Variants in KCTD8 observed in about 807,000 individuals in gnomAD.
The protein encoded by KCTD8 is BTB/POZ domain-containing protein KCTD8.
KCTD8 carries 27 observed loss-of-function variants against 31.5 expected under a neutral mutation model. The ratio of observed to expected loss-of-function variants is 0.86; its 90% CI spans 0.63 to 1.18. KCTD8 has a LOEUF of 1.18. Among genes scored for constraint, KCTD8 ranks in the 50% most tolerant of loss-of-function variants. The pLI is 0.00. For missense variants in KCTD8, 658 were observed against 647.7 expected (o/e 1.02, Z -0.17); for synonymous variants, 290 against 280.0 (o/e 1.04, Z -0.36).
chr4:44,266,479 C>T (rs1185182458), intron 1 of KCTD8, among the ~76,000 whole-genome samples: 2 of 152,206 alleles, frequency 1.3e-5, no homozygotes, highest in Admixed American at 6.5e-5. Flanking sequence ...GAAGAAACTG[C>T]ATCAACTAAC....
At chr4:44,248,913 T>C (rs2109360482) in intron 1 of KCTD8, among the ~76,000 whole-genome samples, 1 of 151,930 alleles carries the variant, frequency 6.6e-6, no homozygotes, top group East Asian at 1.9e-4. Context: ...ACAAAAACTC[T>C]CTTGTGCCGG....
At chr4:44,343,837 T>G (rs923636690) in intron 1 of KCTD8, among the ~76,000 whole-genome samples, 1 of 151,402 alleles carries the variant, frequency 6.6e-6, no homozygotes, top group Non-Finnish European at 1.5e-5. Context: ...CATTACAGGG[T>G]TTTTTTTGTT....
At position 44,289,552 on chromosome 4, in the gene KCTD8, G is replaced by A. The variant is rs111786416; in HGVS notation, c.962-114302C>T. ...CTGTACAGGGTTGTCAAATGCCAGT[G>A]CTAGTTCCATCCTAGAACGGCTCCT... On this transcript the variant is annotated intron_variant, in intron 1 of 1. Transcript: ENST00000360029. 7.8e-3 allele frequency among the ~76,000 whole-genome samples: 1,192 copies of A among 152,228 alleles called. 15 individuals carry two copies. The highest frequency in any genetic ancestry group is 0.027 in the African/African-American group (1,111 of 41,552).
intron 1 of KCTD8, among the ~76,000 whole-genome samples, chr4:44,309,960 A>G (rs956962523): frequency 1.3e-5 from 2 of 152,134 alleles, no homozygotes; most frequent in African/African-American, 2.4e-5. Context: ...TAATGTCGTC[A>G]TAGGATCTAT....
At chr4:44,187,765 G>C (rs1016728666) in intron 1 of KCTD8, among the ~76,000 whole-genome samples, 2 of 152,052 alleles carry the variant, frequency 1.3e-5, no homozygotes, top group African/African-American at 4.8e-5. Context: ...GCTCCGGGAG[G>C]GAAAAAGAAG....
chr4:44,431,535 T>C (rs1034602152), intron 1 of KCTD8, among the ~76,000 whole-genome samples: 6 of 151,542 alleles, frequency 4.0e-5, no homozygotes. Context: ...ATACAGTCAC[T>C]AGAATCTGGC....
intron 1 of KCTD8, among the ~76,000 whole-genome samples, chr4:44,439,727 T>A (rs1015760100): frequency 6.6e-6 from 1 of 152,070 alleles, no homozygotes; most frequent in African/African-American, 2.4e-5. Context: ...TTAATTTACA[T>A]AATAAAGCCT....
intron 1 of KCTD8, among the ~76,000 whole-genome samples, chr4:44,191,010 T>C (rs1454675658): frequency 6.6e-6 from 1 of 152,168 alleles, no homozygotes; most frequent in Non-Finnish European, 1.5e-5. Context: ...CTTAATGCTG[T>C]TGTGGGAAGT....
intron 1 of KCTD8, among the ~76,000 whole-genome samples, chr4:44,431,802 T>C (rs1388850133): frequency 6.6e-6 from 1 of 151,534 alleles, no homozygotes; most frequent in African/African-American, 2.4e-5. Context: ...CACATTACTG[T>C]ATTGATTCTG....
intron 1 of KCTD8, among the ~76,000 whole-genome samples, chr4:44,313,351 A>G (rs1409454606): frequency 6.6e-6 from 1 of 152,186 alleles, no homozygotes; most frequent in Non-Finnish European, 1.5e-5. Flanking sequence ...TGAAGATAAT[A>G]GCCATATGGT....
rs114301147 is a variant in KCTD8, at chr4:44,439,045, G to A, written c.961+8518C>T. On this transcript the variant is annotated intron_variant, in intron 1 of 1. Coordinates refer to ENST00000360029, the MANE Select transcript of KCTD8 (RefSeq NM_198353.3). Reference sequence around the variant, plus strand: ...ATTTAGAAGTATTAAAACATTCATTGTGTTCAAGTATTCACCTCTTAGGAG... The same window carrying A: ...ATTTAGAAGTATTAAAACATTCATTATGTTCAAGTATTCACCTCTTAGGAG... Among the ~76,000 whole-genome samples, 711 of 152,258 alleles carry A rather than the reference G, an allele frequency of 4.7e-3. 4 individuals carry two copies. The highest frequency in any genetic ancestry group is 0.016 in the African/African-American group (676 of 41,562).
At chr4:44,180,526 C>G (rs1225473376) in intron 1 of KCTD8, among the ~76,000 whole-genome samples, 1 of 151,760 alleles carries the variant, frequency 6.6e-6, no homozygotes, top group Non-Finnish European at 1.5e-5. Flanking sequence ...GATCTGCAAA[C>G]CAGCTACCTA....
At chr4:44,438,438 T>G (rs983705645) in intron 1 of KCTD8, among the ~76,000 whole-genome samples, 2 of 152,104 alleles carry the variant, frequency 1.3e-5, no homozygotes, top group Admixed American at 1.3e-4. Flanking sequence ...AAATAAAGAT[T>G]ATGATTAAGA....
At chr4:44,388,722 G>T (rs1047414191) in intron 1 of KCTD8, among the ~76,000 whole-genome samples, 1 of 151,668 alleles carries the variant, frequency 6.6e-6, no homozygotes, top group Non-Finnish European at 1.5e-5. Flanking sequence ...GTGGGAGGAG[G>T]AAGAGGATCA....
intron 1 of KCTD8, among the ~76,000 whole-genome samples, chr4:44,255,197 T>C (rs996150570): frequency 4.6e-5 from 7 of 151,896 alleles, no homozygotes; most frequent in African/African-American, 1.7e-4. Flanking sequence ...AATGGAGAAC[T>C]TGTAGCTCCA....
chr4:44,336,352 A>T (rs1364032296), intron 1 of KCTD8, among the ~76,000 whole-genome samples: 6 of 151,722 alleles, frequency 4.0e-5, no homozygotes. Context: ...GAAAAAGAAC[A>T]TCTTCACAGA....
chr4:44,249,809 C>A (rs61561920), intron 1 of KCTD8, among the ~76,000 whole-genome samples: 1,959 of 151,478 alleles, frequency 0.013, 46 homozygotes, highest in African/African-American at 0.045. Flanking sequence ...CTCTTTCCTT[C>A]CCTTCTTTTC....
chr4:44,223,042 T>C (rs1042393299), intron 1 of KCTD8, among the ~76,000 whole-genome samples: 2 of 152,124 alleles, frequency 1.3e-5, no homozygotes, highest in Non-Finnish European at 2.9e-5. Flanking sequence ...ATGTAGAGAA[T>C]GCAAGAAGGG....
intron 1 of KCTD8, among the ~76,000 whole-genome samples, chr4:44,252,556 T>G (rs1715873453): frequency 1.3e-5 from 2 of 151,784 alleles, no homozygotes; most frequent in Admixed American, 1.3e-4. Context: ...TGGGCATTGT[T>G]GCAGTAGTAA....
Sources: gnomAD v4.1 joint callset for allele counts (sites outside exome capture counted in the v4.1 genomes callset) on GRCh38, gnomAD v4.1.1 for gene constraint, MANE v1.5 for transcripts, NCBI Gene and HGNC (gene_info 2026-07-23, HGNC 2026-07-21) for gene names.